The following PHACTR3 variants were observed in gnomAD, a reference collection of about 807,000 sequenced individuals.
PHACTR3 encodes protein phosphatase 1, regulatory subunit 123.
Under a neutral mutation model 66.8 loss-of-function variants are expected in PHACTR3, and 16 were observed. The observed-to-expected ratio is 0.24, with a 90% CI of 0.16 to 0.36. The LOEUF is 0.36. Among genes scored for constraint, PHACTR3 ranks in the 10% least tolerant of loss-of-function variants. The pLI is 1.00. For synonymous variants in PHACTR3, 323 were observed against 292.1 expected (o/e 1.11, Z -1.08); for missense variants, 647 against 719.9 (o/e 0.90, Z 1.16).
chr20:59,646,131 T>G (rs1381170847), intron 1 of PHACTR3, among the ~76,000 whole-genome samples: 1 of 152,164 alleles, frequency 6.6e-6, no homozygotes, highest in African/African-American at 2.4e-5. Flanking sequence ...TGGGGATGTC[T>G]GAGGGAGGAA....
intron 1 of PHACTR3, among the ~76,000 whole-genome samples, chr20:59,689,208 T>A (rs1467922071): frequency 1.3e-5 from 2 of 152,206 alleles, no homozygotes; most frequent in Non-Finnish European, 2.9e-5. Context: ...ATCAGCTCAA[T>A]GGGTGGGACC....
intron 12 of PHACTR3, among the ~76,000 whole-genome samples, chr20:59,845,793 C>G (rs2059137120): frequency 6.6e-6 from 1 of 152,170 alleles, no homozygotes; most frequent in African/African-American, 2.4e-5. Context: ...AGGCTCCCAT[C>G]TTCATGGAGT....
intron 1 of PHACTR3, among the ~76,000 whole-genome samples, chr20:59,640,079 A>T (rs1005830490): frequency 3.9e-5 from 6 of 152,218 alleles, no homozygotes; most frequent in African/African-American, 1.4e-4. Flanking sequence ...AGTAGAGCAT[A>T]GCAGATGGGT....
chr20:59,699,148 G>GT (rs1158285173), intron 1 of PHACTR3, among the ~76,000 whole-genome samples: 1 of 152,160 alleles, frequency 6.6e-6, no homozygotes, highest in African/African-American at 2.4e-5. Context: ...AGAAAAGGAC[G>GT]TAAGTGCAGA....
chr20:59,627,214 C>T (rs974497940), intron 1 of PHACTR3, among the ~76,000 whole-genome samples: 5 of 152,214 alleles, frequency 3.3e-5, no homozygotes, highest in African/African-American at 4.8e-5. Context: ...TTGCTGCCTA[C>T]AGCTGTGACC....
At chr20:59,816,277 T>C (rs904063319) in intron 8 of PHACTR3, among the ~76,000 whole-genome samples, 8 of 152,242 alleles carry the variant, frequency 5.3e-5, no homozygotes, top group African/African-American at 1.9e-4. Flanking sequence ...AAGGCAGTAA[T>C]GCTTGCTCGC....
chr20:59,586,026 A>G (rs1378703157), intron 1 of PHACTR3, among the ~76,000 whole-genome samples: 5 of 152,206 alleles, frequency 3.3e-5, no homozygotes, highest in Admixed American at 6.5e-5. Flanking sequence ...GGAGATGGGA[A>G]TGCGCAGGCC....
chr20:59,838,197 G>C lies in PHACTR3; in HGVS notation c.1384+1637G>C, dbSNP rs564023741. 2.1e-3 allele frequency among the ~76,000 whole-genome samples: 325 copies of C among 152,260 alleles called. No homozygotes were observed. In the South Asian group the frequency reaches 0.025, roughly 12 times the overall value. On this transcript the variant is annotated intron_variant, in intron 9 of 12. Coordinates refer to ENST00000371015, the MANE Select transcript of PHACTR3 (RefSeq NM_080672.5). ...AGTGGAAGGACCTGAGAATTTTACT[G>C]CTAGGTTTGTGGTGGGTGTTTGGTT... is the stretch of plus-strand genomic sequence containing the variant.
intron 7 of PHACTR3, among the ~76,000 whole-genome samples, chr20:59,792,961 TGAA>T (rs2041147102): frequency 6.6e-6 from 1 of 152,212 alleles, no homozygotes; most frequent in South Asian, 2.1e-4. Context: ...CACAGCTCAC[TGAA>T]GCCTTGACCT....
In PHACTR3 at chr20:59,840,239, A is replaced by G. The variant is rs1600755064; in HGVS notation, c.1385-130A>G. 2.2e-5 allele frequency: 31 copies of G among 1,398,534 alleles called. 1 individual carries two copies. In the South Asian group the frequency reaches 3.2e-4, roughly 14 times the overall value. 86.6% of individuals were successfully genotyped at this position (1,398,534 alleles called of 1,614,324 possible). A position where few individuals can be genotyped will look rare whatever the true frequency, so the allele number is the denominator to read the frequency against. On this transcript the variant is annotated intron_variant, in intron 9 of 12. Coordinates refer to ENST00000371015, the MANE Select transcript of PHACTR3 (RefSeq NM_080672.5). Reference sequence around the variant, plus strand: ...ACTGACAAAGTGGGAAGAAAACACCATGAGTGATGTGGAATTAACTTCAGC... The same window carrying G: ...ACTGACAAAGTGGGAAGAAAACACCGTGAGTGATGTGGAATTAACTTCAGC...
At chr20:59,630,835 A>G (rs2034634648) in intron 1 of PHACTR3, among the ~76,000 whole-genome samples, 3 of 151,680 alleles carry the variant, frequency 2.0e-5, no homozygotes, top group African/African-American at 7.3e-5. Context: ...ACTCAGGGGC[A>G]GAGGGTTCTT....
chr20:59,694,114 A>G (rs1389858356), intron 1 of PHACTR3, among the ~76,000 whole-genome samples: 2 of 152,218 alleles, frequency 1.3e-5, no homozygotes, highest in Non-Finnish European at 2.9e-5. Flanking sequence ...ATGTGACTCT[A>G]TAGAAATGTG....
At chr20:59,765,941 T>G (rs180824147) in intron 4 of PHACTR3, among the ~76,000 whole-genome samples, 3 of 152,328 alleles carry the variant, frequency 2.0e-5, no homozygotes, top group Admixed American at 1.3e-4. Flanking sequence ...AGATGATGTA[T>G]GCCAGGTGCC....
intron 7 of PHACTR3, among the ~76,000 whole-genome samples, chr20:59,793,258 A>G (rs2041158213): frequency 6.6e-6 from 1 of 152,120 alleles, no homozygotes; most frequent in Admixed American, 6.5e-5. Context: ...ATTGCTGTAA[A>G]TATTCAGTGT....
intron 1 of PHACTR3, among the ~76,000 whole-genome samples, chr20:59,578,449 C>T (rs2032778068): frequency 6.6e-6 from 1 of 152,222 alleles, no homozygotes; most frequent in Admixed American, 6.5e-5. Context: ...CCCACCCAGG[C>T]CTGCCCCTTG....
At chr20:59,630,260 G>A (rs1462371675) in intron 1 of PHACTR3, among the ~76,000 whole-genome samples, 1 of 106,542 alleles carries the variant, frequency 9.4e-6, no homozygotes, top group Non-Finnish European at 2.0e-5. Context: ...TTGGCTCACT[G>A]CAACCTCTGC....
Position 59,806,094 on chromosome 20 carries a change from C to T in PHACTR3, c.1228C>T (p.Arg410Trp), listed in dbSNP as rs1160516517. The change falls in exon 8 of 13, where the codon CGG (arginine) becomes TGG (tryptophan). Residue 410 changes from arginine (R) to tryptophan (W), a missense_variant. Arg to Trp is a moderately radical substitution (Grantham distance 101, BLOSUM62 -3). This residue lies in a region of PHACTR3 where 577 missense variants were observed against 571.1 expected (regional missense o/e 1.01). Coordinates refer to ENST00000371015, the MANE Select transcript of PHACTR3 (RefSeq NM_080672.5). ...KELLAVKLRN[R>W]PSKQELEDRN... ...GCTCCTGGCCGTGAAGCTAAGGAAC[C>T]GGCCAAGCAAACAGGAACTAGAAGA... 8.1e-6 allele frequency: 13 copies of T among 1,614,232 alleles called. No homozygotes were observed. The highest frequency in any genetic ancestry group is 1.1e-5 in the Non-Finnish European group (13 of 1,180,036).
intron 4 of PHACTR3, among the ~76,000 whole-genome samples, chr20:59,758,835 A>C (rs117659434): frequency 0.022 from 3,394 of 152,324 alleles, 58 homozygotes; most frequent in Non-Finnish European, 0.035. Context: ...CTTTCTGATT[A>C]TGTTTGATCA....
intron 1 of PHACTR3, among the ~76,000 whole-genome samples, chr20:59,724,295 T>C (rs2146693927): frequency 6.6e-6 from 1 of 152,238 alleles, no homozygotes; most frequent in African/African-American, 2.4e-5. Context: ...ACCGGAGTGG[T>C]CCCCAGGGAC....
Sources: gnomAD v4.1 joint callset for allele counts (sites outside exome capture counted in the v4.1 genomes callset) on GRCh38, gnomAD v4.1.1 for gene constraint, gnomAD v4.1.1 regional missense constraint, MANE v1.5 for transcripts, NCBI Gene and HGNC (gene_info 2026-07-23, HGNC 2026-07-21) for gene names.